NTNG1: variants seen among roughly 807,000 people sequenced by gnomAD.
NTNG1 encodes netrin G1.
NTNG1 carries 16 observed loss-of-function variants against 54.0 expected under a neutral mutation model. The observed-to-expected ratio is 0.30, with a 90% confidence interval of 0.20 to 0.45. The LOEUF (loss-of-function observed/expected upper bound fraction) is 0.45, where lower values mean the gene tolerates loss of function less well. NTNG1 is among the 20% of genes least tolerant of loss of function. The probability of loss-of-function intolerance (pLI) is 1.00; values close to 1 mark genes in which losing one functional copy is unlikely to be tolerated. For synonymous variants in NTNG1, 255 were observed against 263.1 expected, an observed-to-expected ratio of 0.97 and a Z score of 0.30; for missense variants, 530 against 678.7, an observed-to-expected ratio of 0.78 and a Z score of 2.43.
intron 2 of NTNG1, among the ~76,000 whole-genome samples, chr1:107,166,317 T>C (rs748839450): frequency 6.6e-6 from 1 of 152,234 alleles, no homozygotes; most frequent in Non-Finnish European, 1.5e-5. Flanking sequence ...ATCTCAACAG[T>C]AACAAATGTT....
intron 2 of NTNG1, among the ~76,000 whole-genome samples, chr1:107,249,159 C>CAATAATAATAAT (rs71095305): frequency 3.2e-4 from 46 of 143,822 alleles, no homozygotes; most frequent in Non-Finnish European, 5.0e-4. Flanking sequence ...GACTCTATCT[C>CAATAATAATAAT]AATAATAATA....
At position 107,297,796 on chromosome 1, in the gene NTNG1, A is replaced by G. The variant is rs530411175; in HGVS notation, c.247-26486A>G. On this transcript the variant is annotated intron_variant, in intron 2 of 7. Coordinates refer to ENST00000370068, the MANE Select transcript of NTNG1 (RefSeq NM_001113226.3). ...AGCAGAGCCCAGTTACATTGTGGGGACATAAATCTGATCTATTTCATGAAA... is the reference window on the plus strand; with the variant it reads ...AGCAGAGCCCAGTTACATTGTGGGGGCATAAATCTGATCTATTTCATGAAA... Among the ~76,000 whole-genome samples the G allele has an allele frequency of 7.9e-5, 12 of 152,284 alleles. No individual in the cohort carries two copies. In the East Asian group the frequency reaches 2.3e-3, roughly 29 times the overall value.
At chr1:107,292,642 G>A (rs1342281283) in intron 2 of NTNG1, among the ~76,000 whole-genome samples, 4 of 152,064 alleles carry the variant, frequency 2.6e-5, no homozygotes, top group Admixed American at 6.6e-5. Flanking sequence ...GCAAAATGGC[G>A]GAGTTTAAAT....
At chr1:107,162,564 T>C (rs1031854307) in intron 2 of NTNG1, among the ~76,000 whole-genome samples, 8 of 152,114 alleles carry the variant, frequency 5.3e-5, no homozygotes, top group African/African-American at 9.7e-5. Flanking sequence ...ATATTTAGAA[T>C]GGCAAAATAA....
intron 2 of NTNG1, among the ~76,000 whole-genome samples, chr1:107,255,984 A>G (rs1359582435): frequency 6.6e-6 from 1 of 152,242 alleles, no homozygotes; most frequent in Non-Finnish European, 1.5e-5. Context: ...TGGGCTGTTC[A>G]TAAGCTATTG....
intron 4 of NTNG1, chr1:107,403,782 G>A (rs1408195185): frequency 1.3e-5 from 2 of 153,882 alleles, no homozygotes; most frequent in African/African-American, 4.8e-5. Context: ...ACAGGGACTA[G>A]AAGTTACATG....
chr1:107,237,980 G>C (rs1002080843), intron 2 of NTNG1, among the ~76,000 whole-genome samples: 8 of 152,116 alleles, frequency 5.3e-5, no homozygotes, highest in Admixed American at 3.3e-4. Context: ...TGTGAGAAGA[G>C]GGCCACCGTC....
chr1:107,208,335 C>A (rs1659349076), intron 2 of NTNG1, among the ~76,000 whole-genome samples: 1 of 150,346 alleles, frequency 6.7e-6, no homozygotes, highest in Admixed American at 6.7e-5. Flanking sequence ...GAGGCTGAGG[C>A]AGGAGAATCA....
chr1:107,252,776 C>G (rs1397129296), intron 2 of NTNG1, among the ~76,000 whole-genome samples: 1 of 152,116 alleles, frequency 6.6e-6, no homozygotes, highest in Non-Finnish European at 1.5e-5. Context: ...GGTTTGGTTC[C>G]CTAGATTAAG....
At chr1:107,314,170 C>T (rs1391198894) in intron 2 of NTNG1, among the ~76,000 whole-genome samples, 2 of 151,894 alleles carry the variant, frequency 1.3e-5, no homozygotes, top group Admixed American at 6.6e-5. Context: ...TTTGGGAGGC[C>T]GAGGCAGGCT....
At chr1:107,169,049 C>G (rs1363425459) in intron 2 of NTNG1, among the ~76,000 whole-genome samples, 2 of 152,070 alleles carry the variant, frequency 1.3e-5, no homozygotes, top group African/African-American at 4.8e-5. Flanking sequence ...ACTCCATAGT[C>G]TTTGAATCAA....
rs1282720987 is a variant in NTNG1 at position 107,148,503 on chromosome 1, A to G, written c.-91A>G. The G allele has an allele frequency of 6.5e-6, 8 of 1,233,792 alleles. No homozygotes were observed. The highest frequency in any genetic ancestry group is 2.3e-5 in the East Asian group (1 of 42,914). The allele number at this position is 1,233,792 out of a possible 1,614,324, so 76.4% of individuals were successfully genotyped here. A position where few individuals can be genotyped will look rare whatever the true frequency, so the allele number is the denominator to read the frequency against. On this transcript the variant is annotated 5_prime_UTR_variant, in exon 2 of 8. Transcript: ENST00000370068. ...CCTACCTACCCGTACGCATACATAC[A>G]TATGTGTATATATATGTAAACTAGA...
intron 3 of NTNG1, among the ~76,000 whole-genome samples, chr1:107,377,584 C>T (rs1303520980): frequency 6.6e-6 from 1 of 152,202 alleles, no homozygotes; most frequent in Non-Finnish European, 1.5e-5. Flanking sequence ...TGCACAAGCT[C>T]AGTCTGGTTC....
chr1:107,216,146 C>G (rs1170951197), intron 2 of NTNG1, among the ~76,000 whole-genome samples: 1 of 152,134 alleles, frequency 6.6e-6, no homozygotes, highest in Non-Finnish European at 1.5e-5. Context: ...ATTTCTTTCT[C>G]TTGTCCAGTT....
At chr1:107,378,479 C>T (rs1313785193) in intron 3 of NTNG1, among the ~76,000 whole-genome samples, 2 of 152,122 alleles carry the variant, frequency 1.3e-5, no homozygotes, top group African/African-American at 2.4e-5. Context: ...ACACATTGGT[C>T]TTGGTTAAAA....
At chr1:107,271,962 A>G (rs1008012339) in intron 2 of NTNG1, among the ~76,000 whole-genome samples, 4 of 152,212 alleles carry the variant, frequency 2.6e-5, no homozygotes, top group African/African-American at 4.8e-5. Context: ...TCTAAAAACA[A>G]TGATTCAGAG....
In NTNG1 at chr1:107,416,279, C is replaced by T. The variant is rs766648670; in HGVS notation, c.1087+8571C>T. On this transcript the variant is annotated intron_variant, in intron 5 of 7. Transcript: ENST00000370068. ...GTGGTTCTGAGTTTTAGTAGTTTAA[C>T]GAAGTTAGGCATTCTACATAATGAA... Among the ~76,000 whole-genome samples, 5 of 151,704 alleles carry T rather than the reference C, an allele frequency of 3.3e-5. No homozygotes were observed. The Middle Eastern group carries it at 0.01, about 310-fold the overall frequency.
At chr1:107,216,699 T>C (rs918033760) in intron 2 of NTNG1, among the ~76,000 whole-genome samples, 1 of 151,922 alleles carries the variant, frequency 6.6e-6, no homozygotes, top group Non-Finnish European at 1.5e-5. Flanking sequence ...TTTTTTTTTT[T>C]TGGGAGTCTT....
chr1:107,146,878 A>G (rs1336181579), intron 1 of NTNG1, among the ~76,000 whole-genome samples: 1 of 152,046 alleles, frequency 6.6e-6, no homozygotes, highest in East Asian at 1.9e-4. Flanking sequence ...TCCCTTTATA[A>G]GATTGTTTGA....
Sources: gnomAD v4.1 joint callset for allele counts (sites outside exome capture counted in the v4.1 genomes callset) on GRCh38, gnomAD v4.1.1 for gene constraint, MANE v1.5 for transcripts, NCBI Gene and HGNC (gene_info 2026-07-23, HGNC 2026-07-21) for gene names.